CSGALNACT1: variants seen among roughly 807,000 people sequenced by gnomAD.
CSGALNACT1 encodes chondroitin sulfate N-acetylgalactosaminyltransferase 1, also known as beta4GalNAcT-1.
CSGALNACT1 carries 52 observed loss-of-function variants against 51.0 expected under a neutral mutation model. That is an observed-to-expected ratio of 1.02 (90% confidence interval 0.82 to 1.29). The LOEUF is 1.29. Among genes scored for constraint, CSGALNACT1 ranks in the 50% most tolerant of loss-of-function variants. CSGALNACT1 has a pLI of 0.00. For missense variants in CSGALNACT1, 935 were observed against 679.2 expected, an observed-to-expected ratio of 1.38 and a Z score of -4.19; for synonymous variants, 341 against 254.4, an observed-to-expected ratio of 1.34 and a Z score of -3.24.
intron 8 of CSGALNACT1, among the ~76,000 whole-genome samples, chr8:19,415,069 C>A (rs896344484): frequency 3.3e-5 from 5 of 152,176 alleles, no homozygotes; most frequent in Admixed American, 2.0e-4. Flanking sequence ...TCATCTAGAT[C>A]CTAAGCAAAT....
intron 1 of CSGALNACT1, among the ~76,000 whole-genome samples, chr8:19,641,517 A>T (rs764673790): frequency 2.0e-5 from 3 of 152,144 alleles, no homozygotes; most frequent in African/African-American, 7.2e-5. Context: ...AACTCCATTA[A>T]AACAAGATGT....
intron 3 of CSGALNACT1, among the ~76,000 whole-genome samples, chr8:19,519,412 T>A (rs1304484460): frequency 1.3e-5 from 2 of 152,062 alleles, no homozygotes; most frequent in Admixed American, 6.5e-5. Flanking sequence ...AGCCTTACGT[T>A]GCAAAAAGTA....
rs181043024 is a variant in CSGALNACT1 at position 19,532,282 on chromosome 8, C to T, written c.-296-26152G>A. Among the ~76,000 whole-genome samples, 232 of 152,182 alleles carry T rather than the reference C, an allele frequency of 1.5e-3. 1 individual carries two copies. Among genetic ancestry groups the T allele is most frequent in the Non-Finnish European group, 2.0e-3 (134 of 68,006 alleles). ...CCATGGCTTCTTTATCCAAGCTATA[C>T]CCACCCTCCTCCCAAAACAACAATT... On this transcript the variant is annotated intron_variant, in intron 3 of 9. Transcript: ENST00000454498.
intron 1 of CSGALNACT1, among the ~76,000 whole-genome samples, chr8:19,669,033 A>T (rs926325120): frequency 1.3e-5 from 2 of 152,258 alleles, no homozygotes; most frequent in Non-Finnish European, 2.9e-5. Flanking sequence ...GAATATTTAC[A>T]GGCTCTCAAA....
chr8:19,685,035 T>C (rs1281776675), upstream of CSGALNACT1, among the ~76,000 whole-genome samples: 2 of 152,126 alleles, frequency 1.3e-5, no homozygotes, highest in Non-Finnish European at 2.9e-5. Flanking sequence ...AACTATACAT[T>C]TGTAACAGGT....
chr8:19,716,253 A>G (rs1324971734), intron 1 of CSGALNACT1, among the ~76,000 whole-genome samples: 1 of 151,990 alleles, frequency 6.6e-6, no homozygotes, highest in Non-Finnish European at 1.5e-5. Context: ...CCCTCCCTCC[A>G]TGCTCTGAGC....
intron 3 of CSGALNACT1, among the ~76,000 whole-genome samples, chr8:19,574,304 C>A (rs1428317361): frequency 6.6e-6 from 1 of 152,194 alleles, no homozygotes; most frequent in East Asian, 1.9e-4. Flanking sequence ...TCCTGCAGGT[C>A]CTCCAGACCC....
intron 3 of CSGALNACT1, among the ~76,000 whole-genome samples, chr8:19,547,493 T>C (rs1221092284): frequency 6.6e-6 from 1 of 152,182 alleles, no homozygotes; most frequent in East Asian, 1.9e-4. Flanking sequence ...TCACGAGATC[T>C]AGTGGTTTTG....
intron 1 of CSGALNACT1, among the ~76,000 whole-genome samples, chr8:19,655,563 C>T (rs1394580328): frequency 6.3e-5 from 8 of 126,944 alleles, no homozygotes; most frequent in Non-Finnish European, 9.9e-5. Context: ...TATATATACA[C>T]ACACACACAC....
intron 4 of CSGALNACT1, among the ~76,000 whole-genome samples, chr8:19,491,300 CTAAT>C (rs2074309529): frequency 6.6e-6 from 1 of 152,124 alleles, no homozygotes; most frequent in Non-Finnish European, 1.5e-5. Flanking sequence ...TGTTAGACAA[CTAAT>C]TGCTTCTCAT....
intron 1 of CSGALNACT1, among the ~76,000 whole-genome samples, chr8:19,680,478 C>T (rs1292762139): frequency 1.3e-5 from 2 of 151,092 alleles, no homozygotes; most frequent in Admixed American, 6.6e-5. Flanking sequence ...ATCACTTGAA[C>T]CCAGGAGGTG....
At chr8:19,535,854 T>A (rs922599930) in intron 3 of CSGALNACT1, among the ~76,000 whole-genome samples, 1 of 152,126 alleles carries the variant, frequency 6.6e-6, no homozygotes, top group Non-Finnish European at 1.5e-5. Flanking sequence ...ATATCTACAA[T>A]AAACCTACAA....
chr8:19,580,849 T>C (rs1271093101), intron 3 of CSGALNACT1, among the ~76,000 whole-genome samples: 1 of 152,076 alleles, frequency 6.6e-6, no homozygotes, highest in African/African-American at 2.4e-5. Flanking sequence ...AAAACTGAAA[T>C]ACAATAATTA....
intron 3 of CSGALNACT1, among the ~76,000 whole-genome samples, chr8:19,587,439 C>G (rs1385501081): frequency 6.6e-6 from 1 of 152,080 alleles, no homozygotes; most frequent in African/African-American, 2.4e-5. Flanking sequence ...ATGCTGTGTC[C>G]CACCCTCCCC....
chr8:19,498,474 G>T (rs1249939365), intron 4 of CSGALNACT1, among the ~76,000 whole-genome samples: 1 of 152,156 alleles, frequency 6.6e-6, no homozygotes, highest in African/African-American at 2.4e-5. Flanking sequence ...TCATGTGCAG[G>T]GCGCTCTTTG....
At chr8:19,556,023 G>A (rs2089628212) in intron 3 of CSGALNACT1, among the ~76,000 whole-genome samples, 2 of 152,114 alleles carry the variant, frequency 1.3e-5, no homozygotes, top group South Asian at 4.1e-4. Flanking sequence ...AGATAAGAAC[G>A]ATAACACTGA....
intron 1 of CSGALNACT1, among the ~76,000 whole-genome samples, chr8:19,727,488 T>G (rs116308643): frequency 0.14 from 21,649 of 150,856 alleles, 1,674 homozygotes; most frequent in Middle Eastern, 0.17. Flanking sequence ...CAGCTGAGAC[T>G]ACAGGCGCGT....
intron 1 of CSGALNACT1, among the ~76,000 whole-genome samples, chr8:19,632,475 CA>C (rs1380304939): frequency 6.6e-6 from 1 of 151,858 alleles, no homozygotes; most frequent in East Asian, 1.9e-4. Flanking sequence ...AGGGAAGCAT[CA>C]AAAAAGCATT....
intron 3 of CSGALNACT1, among the ~76,000 whole-genome samples, chr8:19,545,089 G>C (rs1004807846): frequency 2.0e-5 from 3 of 152,000 alleles, no homozygotes; most frequent in African/African-American, 7.2e-5. Flanking sequence ...CTGAAGCACA[G>C]TGAAGTCACT....
Sources: allele counts gnomAD v4.1 joint callset (sites outside exome capture counted in the v4.1 genomes callset), GRCh38; gene constraint gnomAD v4.1.1; transcripts MANE v1.5; gene names NCBI Gene and HGNC (gene_info 2026-07-23, HGNC 2026-07-21).